Variants in TBL1XR1 observed in about 807,000 individuals in gnomAD.
The protein encoded by TBL1XR1 is TBL1X/Y related 1.
Under a neutral mutation model 66.9 loss-of-function variants are expected in TBL1XR1, and 5 were observed. The observed-to-expected ratio is 0.07, with a 90% CI of 0.04 to 0.16. TBL1XR1 has a LOEUF of 0.16. Among genes scored for constraint, TBL1XR1 ranks in the 10% least tolerant of loss-of-function variants. The pLI is 1.00. For synonymous variants in TBL1XR1, 210 were observed against 206.0 expected (o/e 1.02, Z -0.17); for missense variants, 238 against 623.2 (o/e 0.38, Z 6.58).
chr3:177,164,188 G>A (rs1732551324), intron 1 of TBL1XR1, among the ~76,000 whole-genome samples: 1 of 152,086 alleles, frequency 6.6e-6, no homozygotes, highest in African/African-American at 2.4e-5. Flanking sequence ...ATTCATTATT[G>A]TGGCTTGGTT....
chr3:177,163,871 T>TAA (rs1243327268), intron 1 of TBL1XR1: 1 of 152,190 alleles, frequency 6.6e-6, no homozygotes, highest in Non-Finnish European at 1.5e-5. Context: ...GATATACACA[T>TAA]AAATACGCAA....
chr3:177,060,028 G>A (rs972785857), intron 3 of TBL1XR1, among the ~76,000 whole-genome samples: 25 of 152,076 alleles, frequency 1.6e-4, no homozygotes, highest in African/African-American at 5.8e-4. Context: ...AGGGGTTCTC[G>A]GGCCTTTGGC....
At position 177,108,930 on chromosome 3, in the gene TBL1XR1, GA is replaced by G. The variant is rs551599082; in HGVS notation, c.-121-10390del. Among the ~76,000 whole-genome samples the G allele has an allele frequency of 4.3e-3, 657 of 152,246 alleles. 7 individuals are homozygous for G. Among genetic ancestry groups the G allele is most frequent in the Middle Eastern group, 0.02 (6 of 294 alleles). On this transcript the variant is annotated intron_variant, in intron 1 of 15. Coordinates refer to ENST00000457928, the MANE Select transcript of TBL1XR1 (RefSeq NM_024665.7). ...AATGTTCACCAAGCAGCGATGAGAA[GA>G]AATGTTATGCCCATCTTAAAAATTA...
At chr3:177,157,241 G>A (rs182493155) in intron 1 of TBL1XR1, among the ~76,000 whole-genome samples, 13 of 152,048 alleles carry the variant, frequency 8.5e-5, no homozygotes, top group South Asian at 2.1e-4. Context: ...TTTCCTCTCC[G>A]GAGGCTCCTA....
chr3:177,080,125 A>G (rs532144671), intron 2 of TBL1XR1, among the ~76,000 whole-genome samples: 4 of 152,228 alleles, frequency 2.6e-5, no homozygotes, highest in Non-Finnish European at 4.4e-5. Flanking sequence ...AATTTTCATA[A>G]GGACATAATT....
intron 1 of TBL1XR1, among the ~76,000 whole-genome samples, chr3:177,101,019 C>A (rs568652890): frequency 6.6e-6 from 1 of 152,260 alleles, no homozygotes; most frequent in South Asian, 2.1e-4. Flanking sequence ...CTACACCTGG[C>A]TAATTCTGTA....
intron 1 of TBL1XR1, among the ~76,000 whole-genome samples, chr3:177,159,902 A>C (rs537430857): frequency 7.9e-5 from 12 of 152,166 alleles, no homozygotes; most frequent in Non-Finnish European, 1.8e-4. Flanking sequence ...TTGTTTAAAA[A>C]TTTTTTAAGC....
intron 1 of TBL1XR1, among the ~76,000 whole-genome samples, chr3:177,179,141 A>G (rs980765155): frequency 2.1e-5 from 3 of 140,732 alleles, no homozygotes; most frequent in African/African-American, 7.7e-5. Flanking sequence ...AAAAAAAAAA[A>G]GATACTTGGG....
intron 1 of TBL1XR1, among the ~76,000 whole-genome samples, chr3:177,116,703 TA>T (rs1726349491): frequency 1.3e-5 from 2 of 152,218 alleles, no homozygotes; most frequent in Admixed American, 1.3e-4. Context: ...TTAACCTCTC[TA>T]AACCTCAGTT....
At chr3:177,147,327 G>A (rs1283914599) in intron 1 of TBL1XR1, among the ~76,000 whole-genome samples, 1 of 152,082 alleles carries the variant, frequency 6.6e-6, no homozygotes, top group Non-Finnish European at 1.5e-5. Context: ...GGGATTACAG[G>A]GATGAGCCAC....
At chr3:177,130,385 C>A (rs1237789409) in intron 1 of TBL1XR1, among the ~76,000 whole-genome samples, 4 of 151,976 alleles carry the variant, frequency 2.6e-5, no homozygotes, top group East Asian at 1.9e-4. Flanking sequence ...ACAACAACAA[C>A]AAAAACAAAA....
intron 1 of TBL1XR1, among the ~76,000 whole-genome samples, chr3:177,151,289 A>G (rs556740037): frequency 3.6e-4 from 55 of 152,224 alleles, no homozygotes; most frequent in Non-Finnish European, 5.3e-4. Context: ...ACCAGTGTGT[A>G]TCAAAAGCAG....
intron 1 of TBL1XR1, among the ~76,000 whole-genome samples, chr3:177,134,945 C>CTGTGTGTGTGTG (rs10662042): frequency 0.025 from 3,167 of 129,118 alleles, 90 homozygotes; most frequent in African/African-American, 0.059. Context: ...CACTGCAAGG[C>CTGTGTGTGTGTG]TGTGTGTGTG....
chr3:177,198,903 C>T (rs955473555), upstream of TBL1XR1, among the ~76,000 whole-genome samples: 3 of 131,620 alleles, frequency 2.3e-5, no homozygotes, highest in Non-Finnish European at 4.9e-5. Context: ...CACACACACA[C>T]ACACTACTCG....
rs544993515 is a variant in TBL1XR1, at chr3:177,040,069, AGCGCTTTGGTAGC to A, written c.926-1648_926-1636del. 2.5e-4 allele frequency among the ~76,000 whole-genome samples: 38 copies of A among 152,354 alleles called. No homozygotes were observed. In the South Asian group the frequency reaches 7.2e-3, roughly 29 times the overall value. On this transcript the variant is annotated intron_variant, in intron 10 of 15. Coordinates refer to ENST00000457928, the MANE Select transcript of TBL1XR1 (RefSeq NM_024665.7). ...TGAGCTGTGTGGCCAGGTGTGACTC[AGCGCTTTGGTAGC>A]AAAGGCAGGAGAACTGTTTGAGCCC...
At chr3:177,073,987 A>G (rs746694335) in intron 2 of TBL1XR1, among the ~76,000 whole-genome samples, 5 of 152,178 alleles carry the variant, frequency 3.3e-5, no homozygotes, top group Non-Finnish European at 7.4e-5. Context: ...GACTCCAAAC[A>G]TGGGGTAGCG....
At chr3:177,081,417 C>A (rs1721374430) in intron 2 of TBL1XR1, among the ~76,000 whole-genome samples, 1 of 152,044 alleles carries the variant, frequency 6.6e-6, no homozygotes, top group Admixed American at 6.5e-5. Flanking sequence ...ATCTATCTTA[C>A]CTTGTCCATC....
chr3:177,143,525 T>TTAAA (rs532491954), intron 1 of TBL1XR1, among the ~76,000 whole-genome samples: 46 of 152,360 alleles, frequency 3.0e-4, no homozygotes, highest in Middle Eastern at 3.4e-3. Flanking sequence ...ATTCCTAAAT[T>TTAAA]TAAAATATTT....
chr3:177,072,765 C>T (rs7645015), intron 2 of TBL1XR1, among the ~76,000 whole-genome samples: 39,500 of 152,118 alleles, frequency 0.26, 5,645 homozygotes, highest in East Asian at 0.5. Flanking sequence ...AGACATTTTC[C>T]TGCAAATGAA....
Sources: gnomAD v4.1 joint callset for allele counts (sites outside exome capture counted in the v4.1 genomes callset) on GRCh38, gnomAD v4.1.1 for gene constraint, MANE v1.5 for transcripts, NCBI Gene and HGNC (gene_info 2026-07-23, HGNC 2026-07-21) for gene names.